The following EGF variants were observed in gnomAD, a reference collection of about 807,000 sequenced individuals.
EGF encodes the protein epidermal growth factor.
A neutral mutation model predicts 143.8 loss-of-function variants in EGF; 95 were observed. The observed-to-expected ratio is 0.66, with a 90% confidence interval of 0.56 to 0.78. EGF has a LOEUF of 0.78. Ranked by LOEUF, EGF falls within the 30% of genes least tolerant of loss-of-function variation. The pLI, the probability that EGF is intolerant of heterozygous loss-of-function variation, is 0.00. For synonymous variants in EGF, 510 were observed against 510.5 expected (o/e 1.00, Z 0.01); for missense variants, 1,320 against 1,470.9 (o/e 0.90, Z 1.68).
chr4:110,000,328 C>T (rs1752412550), intron 21 of EGF, among the ~76,000 whole-genome samples: 1 of 150,916 alleles, frequency 6.6e-6, no homozygotes, highest in African/African-American at 2.4e-5. Flanking sequence ...TCTGAAACAT[C>T]AGTGCTTTTA....
intron 1 of EGF, among the ~76,000 whole-genome samples, chr4:109,921,031 C>T (rs749481469): frequency 7.3e-5 from 11 of 151,120 alleles, no homozygotes; most frequent in Admixed American, 2.0e-4. Flanking sequence ...CAGGTGTAGA[C>T]GAAGAAAAAA....
intron 20 of EGF, among the ~76,000 whole-genome samples, chr4:109,999,364 T>C (rs11569097): frequency 1.3e-5 from 2 of 152,138 alleles, no homozygotes; most frequent in African/African-American, 4.8e-5. Context: ...TTTGTGTTGG[T>C]TTTAAAAGGT....
At chr4:109,929,136 C>T (rs1739253512) in intron 1 of EGF, among the ~76,000 whole-genome samples, 1 of 151,968 alleles carries the variant, frequency 6.6e-6, no homozygotes, top group African/African-American at 2.4e-5. Flanking sequence ...GGTGTGGGTT[C>T]CTTGACACAA....
intron 21 of EGF, chr4:110,001,952 T>G (rs1019970266): frequency 2.0e-6 from 2 of 985,326 alleles, no homozygotes; most frequent in African/African-American, 1.7e-5. Flanking sequence ...GTTTCAGCTA[T>G]GTGCATAACT....
rs779113791 is a variant in EGF, at chr4:109,979,998, G to A, written c.2080G>A (p.Glu694Lys). The part of the protein sequence containing the change: ...VGHPFAVAVF[E>K]DYVWFSDWAM... ...TCACCCATTTGCTGTAGCAGTGTTT[G>A]AGGATTATGTGTGGTTCTCAGATTG... The change falls in exon 14 of 24, where the codon GAG (glutamate) becomes AAG (lysine). Residue 694 changes from glutamate (E) to lysine (K), a missense_variant. Transcript: ENST00000265171. The A allele has an allele frequency of 3.7e-6, 6 of 1,614,068 alleles. No homozygotes were observed. The highest frequency in any genetic ancestry group is 8.5e-7 in the Non-Finnish European group (1 of 1,179,954).
intron 10 of EGF, among the ~76,000 whole-genome samples, chr4:109,968,544 A>C (rs940865286): frequency 6.6e-6 from 1 of 152,136 alleles, no homozygotes; most frequent in Non-Finnish European, 1.5e-5. Context: ...AGCAGTAGCA[A>C]TATGTGCCAG....
At chr4:109,933,395 C>T (rs1288555431) in intron 1 of EGF, among the ~76,000 whole-genome samples, 2 of 151,816 alleles carry the variant, frequency 1.3e-5, no homozygotes, top group Non-Finnish European at 2.9e-5. Flanking sequence ...TTACAGTTCT[C>T]CCAGCCTCTT....
At chr4:109,982,799 C>G (rs1327307406) in intron 15 of EGF, among the ~76,000 whole-genome samples, 1 of 152,078 alleles carries the variant, frequency 6.6e-6, no homozygotes, top group East Asian at 1.9e-4. Flanking sequence ...AGGCAGTTAA[C>G]TTTATAGTAT....
Position 109,988,692 on chromosome 4 carries a change from A to G in EGF, c.2717A>G (p.Asp906Gly). The G allele has an allele frequency of 6.2e-7, 1 of 1,613,966 alleles. No individual in the cohort carries two copies. The highest frequency in any genetic ancestry group is 8.5e-7 in the Non-Finnish European group (1 of 1,179,902). Residue 906 changes from aspartate to glycine, a missense_variant, in exon 18 of 24, where the codon GAT becomes GGT. Around this residue, in one of 5 missense-constraint regions of EGF, gnomAD observed 1,186 missense variants for 1,313.7 expected, o/e 0.90. Transcript: ENST00000265171. Reference protein sequence around the residue: ...VCRCSEGYQGDGIHCLDIDEC... With the variant: ...VCRCSEGYQGGGIHCLDIDEC... ...CGGTGCTCAGAAGGCTACCAAGGAG[A>G]TGGGATTCACTGTCTTGGTAAGAGG...
chr4:109,981,653 A>G (rs760144381), intron 15 of EGF, among the ~76,000 whole-genome samples: 1 of 152,180 alleles, frequency 6.6e-6, no homozygotes, highest in Admixed American at 6.5e-5. Flanking sequence ...ATTTATATTT[A>G]TCTGGTAGGC....
At chr4:109,952,417 A>AT (rs1744097658) in intron 5 of EGF, among the ~76,000 whole-genome samples, 1 of 152,190 alleles carries the variant, frequency 6.6e-6, no homozygotes, top group African/African-American at 2.4e-5. Flanking sequence ...CTGTGAGTTC[A>AT]TGAAGGATAA....
intron 5 of EGF, 145 bp downstream of exon 5, chr4:109,945,420 G>A (rs1307111309): frequency 5.5e-6 from 4 of 731,692 alleles, no homozygotes; most frequent in African/African-American, 1.8e-5. Context: ...ACCCCTGTAA[G>A]AAAAGACAGA....
rs1236225194 is a variant in EGF at position 109,913,311 on chromosome 4, T to A, written c.-25T>A. On this transcript the variant is annotated 5_prime_UTR_variant, in exon 1 of 24. The change creates a new upstream start codon in the 5' untranslated region. Transcript: ENST00000265171. Reference sequence around the variant, plus strand: ...TCCAGCAAAATCAAGCTGTTTTCTTTTGAAAGTTCAAACTCATCAAGATTA... The same window carrying A: ...TCCAGCAAAATCAAGCTGTTTTCTTATGAAAGTTCAAACTCATCAAGATTA... 1 of 1,613,016 alleles carries A rather than the reference T, an allele frequency of 6.2e-7. No homozygotes were observed. The highest frequency in any genetic ancestry group is 8.5e-7 in the Non-Finnish European group (1 of 1,179,326).
intron 10 of EGF, among the ~76,000 whole-genome samples, chr4:109,968,158 C>G (rs1417956217): frequency 1.3e-5 from 2 of 152,162 alleles, no homozygotes; most frequent in African/African-American, 2.4e-5. Flanking sequence ...CCATTATCAT[C>G]TTACGGAATC....
chr4:109,974,769 C>T lies in EGF; in HGVS notation c.1791C>T (p.Ile597=). ...KRSKIITKEN[I]SQPRGIAVHP... ...CCAAAATAATCACTAAGGAGAACATCTCTCAACCACGAGGAATTGCTGTTC... is the reference window on the plus strand; with the variant it reads ...CCAAAATAATCACTAAGGAGAACATTTCTCAACCACGAGGAATTGCTGTTC... Residue 597 remains isoleucine, a synonymous_variant, in exon 12 of 24, where the codon ATC becomes ATT. Coordinates refer to ENST00000265171, the MANE Select transcript of EGF (RefSeq NM_001963.6). 1 of 1,613,590 alleles carries T rather than the reference C, an allele frequency of 6.2e-7. No individual in the cohort carries two copies. The highest frequency in any genetic ancestry group is 1.3e-5 in the African/African-American group (1 of 75,018).
At chr4:109,916,448 C>A (rs1324862960) in intron 1 of EGF, among the ~76,000 whole-genome samples, 1 of 151,950 alleles carries the variant, frequency 6.6e-6, no homozygotes, top group Non-Finnish European at 1.5e-5. Context: ...CTGTTTGTCT[C>A]ATTTTCCTTA....
At chr4:109,949,988 A>G (rs1743571029) in intron 5 of EGF, among the ~76,000 whole-genome samples, 2 of 152,146 alleles carry the variant, frequency 1.3e-5, no homozygotes, top group Admixed American at 1.3e-4. Flanking sequence ...CCATTTTCTG[A>G]TGATCTGACC....
At chr4:109,926,654 G>C (rs181201443) in intron 1 of EGF, among the ~76,000 whole-genome samples, 3 of 152,266 alleles carry the variant, frequency 2.0e-5, no homozygotes, top group Admixed American at 2.0e-4. Flanking sequence ...ACTGCACTCG[G>C]CCGTGACACC....
chr4:109,968,280 T>G lies in EGF; in HGVS notation c.1576-691T>G, dbSNP rs11568975. On this transcript the variant is annotated intron_variant, in intron 10 of 23. Transcript: ENST00000265171. The stretch of plus-strand genomic sequence containing the variant: ...GCAAATACCTAGTCTAACTTCCTCA[T>G]TTTTACAGTTGAGAAAATTGAGGTT... 0.013 allele frequency among the ~76,000 whole-genome samples: 1,964 copies of G among 152,218 alleles called. 204 individuals carry two copies. In the East Asian group the frequency reaches 0.23, roughly 18 times the overall value.
Sources: gnomAD v4.1 joint callset for allele counts (sites outside exome capture counted in the v4.1 genomes callset) on GRCh38, gnomAD v4.1.1 for gene constraint, gnomAD v4.1.1 regional missense constraint, MANE v1.5 for transcripts, NCBI Gene and HGNC (gene_info 2026-07-23, HGNC 2026-07-21) for gene names.